The following SLC43A2 variants were observed in gnomAD, a reference collection of about 807,000 sequenced individuals.
The protein encoded by SLC43A2 is solute carrier family 43 member 2.
SLC43A2 carries 38 observed loss-of-function variants against 63.2 expected under a neutral mutation model. The observed-to-expected ratio is 0.60, with a 90% CI of 0.46 to 0.79. SLC43A2 has a LOEUF of 0.79. Ranked by LOEUF, SLC43A2 falls within the 30% of genes least tolerant of loss-of-function variation. The probability of loss-of-function intolerance (pLI) is 0.00; values close to 1 mark genes in which losing one functional copy is unlikely to be tolerated. For missense variants in SLC43A2, 644 were observed against 756.2 expected, an observed-to-expected ratio of 0.85 and a Z score of 1.74; for synonymous variants, 322 against 331.0, an observed-to-expected ratio of 0.97 and a Z score of 0.30.
At chr17:1,628,092 C>G (rs1416829637) in intron 1 of SLC43A2, 172 bp from the exon 2 acceptor site, 2 of 586,680 alleles carry the variant, frequency 3.4e-6, no homozygotes, top group Non-Finnish European at 4.8e-6. Context: ...TGGGACACCC[C>G]GAGCCCGCGG....
chr17:1,584,935 A>C (rs2076078773), intron 10 of SLC43A2, among the ~76,000 whole-genome samples: 1 of 152,234 alleles, frequency 6.6e-6, no homozygotes, highest in Admixed American at 6.5e-5. Context: ...CACAATCATG[A>C]ACAACTCTAT....
At position 1,571,326 on chromosome 17, in the gene SLC43A2, C is replaced by T. The variant is rs1344818636; in HGVS notation, c.*4278G>A. On this transcript the variant is annotated 3_prime_UTR_variant, in exon 14 of 14. Coordinates refer to ENST00000301335, the MANE Select transcript of SLC43A2 (RefSeq NM_152346.3). The surrounding 1 kb of genome is among the most constrained non-coding windows in gnomAD (Gnocchi z 5.2). ...TGTATTGGCGGAAGACGGGCTGGCA[C>T]CCTTGAGTTAGGCCCCCAGTCGTTG... is the stretch of plus-strand genomic sequence containing the variant. The T allele has an allele frequency of 6.6e-6, 1 of 152,236 alleles. No individual in the cohort carries two copies. Among genetic ancestry groups the T allele is most frequent in the East Asian group, 1.9e-4 (1 of 5,186 alleles). The allele number at this position is 152,236 out of a possible 1,614,324, so 9.4% of individuals were successfully genotyped here. A position where few individuals can be genotyped will look rare whatever the true frequency, so the allele number is the denominator to read the frequency against.
At chr17:1,597,842 T>G (rs1182765765) in intron 5 of SLC43A2, among the ~76,000 whole-genome samples, 1 of 151,342 alleles carries the variant, frequency 6.6e-6, no homozygotes, top group Non-Finnish European at 1.5e-5. Context: ...AGAAAAGAAA[T>G]CCCTTCCAAC....
intron 11 of SLC43A2, among the ~76,000 whole-genome samples, chr17:1,580,170 G>A (rs182395276): frequency 3.9e-5 from 6 of 152,150 alleles, no homozygotes; most frequent in African/African-American, 1.4e-4. Context: ...CACCCGCGTT[G>A]GCCTCCCAAA....
intron 11 of SLC43A2, among the ~76,000 whole-genome samples, chr17:1,582,369 C>T (rs897500473): frequency 6.6e-6 from 1 of 152,216 alleles, no homozygotes; most frequent in East Asian, 1.9e-4. Flanking sequence ...CATGAGCCAC[C>T]GGCCTGGAAT....
chr17:1,627,987 C>G (rs1908846099), intron 1 of SLC43A2, 67 bp from the exon 2 acceptor site: 2 of 1,260,292 alleles, frequency 1.6e-6, no homozygotes, highest in Non-Finnish European at 2.0e-6. Flanking sequence ...CCAGCAGCCC[C>G]GACCGCTGCC....
At chr17:1,615,465 G>A (rs1480391909) in intron 3 of SLC43A2, among the ~76,000 whole-genome samples, 1 of 151,682 alleles carries the variant, frequency 6.6e-6, no homozygotes, top group Non-Finnish European at 1.5e-5. Flanking sequence ...AATGGCATAG[G>A]GGGCCGGGAG....
rs892930276 is a variant in SLC43A2 at position 1,595,259 on chromosome 17, T to C, written c.502-1980A>G. Among the ~76,000 whole-genome samples, 70 of 147,622 alleles carry C rather than the reference T, an allele frequency of 4.7e-4. 1 individual carries two copies. Among genetic ancestry groups the C allele is most frequent in the Middle Eastern group, 3.5e-3 (1 of 286 alleles). On this transcript the variant is annotated intron_variant, in intron 5 of 13. Transcript: ENST00000301335. The stretch of plus-strand genomic sequence containing the variant: ...CTGCGCCACTGCACTCCAGCCTGGG[T>C]GACAGAGCGAGACTCTGTGTCAAAA...
chr17:1,614,859 CT>C lies in SLC43A2; in HGVS notation c.424+119del. 3 of 1,011,522 alleles carry C rather than the reference CT, an allele frequency of 3.0e-6. No homozygotes were observed. In the South Asian group the frequency reaches 4.1e-5, roughly 14 times the overall value. The allele number at this position is 1,011,522 out of a possible 1,614,324, so 62.7% of individuals were successfully genotyped here. ...TGAGTAGAGGCGTAACAGGTGTCCC[CT>C]CTAACTTGAGCAGGGAGCAGCAGGC... On this transcript the variant is annotated intron_variant, in intron 4 of 13. Transcript: ENST00000301335.
At chr17:1,608,401 T>G (rs967660419) in intron 5 of SLC43A2, among the ~76,000 whole-genome samples, 1 of 147,122 alleles carries the variant, frequency 6.8e-6, no homozygotes, top group Non-Finnish European at 1.5e-5. Context: ...GTGTGTTTTG[T>G]TTTTTTTTTT....
intron 3 of SLC43A2, among the ~76,000 whole-genome samples, chr17:1,615,541 A>G (rs1907518338): frequency 6.6e-6 from 1 of 151,716 alleles, no homozygotes; most frequent in Non-Finnish European, 1.5e-5. Context: ...AGGAAAAAAA[A>G]AAAAAAAAGA....
At chr17:1,580,272 C>T (rs1250824668) in intron 11 of SLC43A2, among the ~76,000 whole-genome samples, 1 of 152,208 alleles carries the variant, frequency 6.6e-6, no homozygotes, top group Non-Finnish European at 1.5e-5. Flanking sequence ...TCTCCAGTTC[C>T]ACAGTCAGTG....
At chr17:1,625,295 C>G (rs369900516) in intron 2 of SLC43A2, among the ~76,000 whole-genome samples, 5 of 152,322 alleles carry the variant, frequency 3.3e-5, no homozygotes, top group Admixed American at 1.3e-4. Flanking sequence ...GAACCCAACA[C>G]GGTGTCTGTG....
chr17:1,612,341 T>C (rs1907193799), intron 5 of SLC43A2, among the ~76,000 whole-genome samples: 1 of 152,204 alleles, frequency 6.6e-6, no homozygotes, highest in African/African-American at 2.4e-5. Context: ...TTTTGTGATG[T>C]CCTGGGGCTC....
Position 1,627,788 on chromosome 17 carries a change from G to A in SLC43A2, c.87C>T (p.Val29=). 6.3e-7 allele frequency: 1 copy of A among 1,598,954 alleles called. No homozygotes were observed. The highest frequency in any genetic ancestry group is 8.5e-7 in the Non-Finnish European group (1 of 1,172,950). ...AVLENLLFSA[V]LLGWGSLLIM... ...TGAGCAGCGAGCCCCAGCCCAGGAG[G>A]ACTGCCGAGAAGAGGAGGTTCTCCA... Residue 29 remains valine (V), a synonymous_variant, in exon 2 of 14, where the codon GTC becomes GTT. Coordinates refer to ENST00000301335, the MANE Select transcript of SLC43A2 (RefSeq NM_152346.3).
In SLC43A2 at chr17:1,578,192, C is replaced by T. The variant is rs2075961654; in HGVS notation, c.1424+58G>A. 6.5e-7 allele frequency: 1 copy of T among 1,545,972 alleles called. No individual in the cohort carries two copies. The highest frequency in any genetic ancestry group is 1.4e-5 in the African/African-American group (1 of 73,548). ...AGAGTCTCAGTCCCACCAGCAACCT[C>T]CCCCCGGCCATTCCCACACCCTCGC... On this transcript the variant is annotated intron_variant, in intron 12 of 13. Coordinates refer to ENST00000301335, the MANE Select transcript of SLC43A2 (RefSeq NM_152346.3). The surrounding 1 kb of genome is among the most constrained non-coding windows in gnomAD (Gnocchi z 6.5).
intron 5 of SLC43A2, among the ~76,000 whole-genome samples, chr17:1,611,570 G>A (rs994094602): frequency 1.3e-5 from 2 of 151,724 alleles, no homozygotes; most frequent in African/African-American, 2.4e-5. Context: ...GGGAGGCGGA[G>A]GTTGCAGTGA....
At chr17:1,585,220 C>T (rs1016882936) in intron 10 of SLC43A2, 22 of 993,768 alleles carry the variant, frequency 2.2e-5, no homozygotes, top group Non-Finnish European at 2.6e-5. Context: ...TCTTTTTCTT[C>T]CTTCTTACTC....
chr17:1,595,046 C>A (rs1311598751), intron 5 of SLC43A2, among the ~76,000 whole-genome samples: 2 of 151,570 alleles, frequency 1.3e-5, no homozygotes, highest in African/African-American at 2.4e-5. Flanking sequence ...GAGAGAGAGA[C>A]AAGGGGGGCA....
Sources: allele counts gnomAD v4.1 joint callset (sites outside exome capture counted in the v4.1 genomes callset), GRCh38; gene constraint gnomAD v4.1.1; non-coding constraint Gnocchi (gnomAD v3.1); transcripts MANE v1.5; gene names NCBI Gene and HGNC (gene_info 2026-07-23, HGNC 2026-07-21).